The following GABRB2 variants were observed in gnomAD, a reference collection of about 807,000 sequenced individuals.
The protein encoded by GABRB2 is gamma-aminobutyric acid receptor subunit beta-2.
A neutral mutation model predicts 54.7 loss-of-function variants in GABRB2; 16 were observed. The observed-to-expected ratio is 0.29, with a 90% confidence interval of 0.20 to 0.44. GABRB2 has a LOEUF of 0.44. GABRB2 is among the 20% of genes least tolerant of loss of function. GABRB2 has a pLI of 1.00. For missense variants in GABRB2, 355 were observed against 644.0 expected (o/e 0.55, Z 4.86); for synonymous variants, 244 against 233.8 (o/e 1.04, Z -0.40).
At chr5:161,515,796 A>G (rs1759925507) in intron 3 of GABRB2, among the ~76,000 whole-genome samples, 1 of 152,210 alleles carries the variant, frequency 6.6e-6, no homozygotes, top group Non-Finnish European at 1.5e-5. Context: ...TTGATAAGTA[A>G]GAAAACATGC....
At chr5:161,380,631 G>GA (rs34717840) in intron 5 of GABRB2, among the ~76,000 whole-genome samples, 3,560 of 147,390 alleles carry the variant, frequency 0.024, 59 homozygotes, top group Non-Finnish European at 0.035. Context: ...ATGCTCTTGT[G>GA]AAAAAAAAAA....
At chr5:161,482,768 A>T (rs1758802791) in intron 3 of GABRB2, among the ~76,000 whole-genome samples, 1 of 152,066 alleles carries the variant, frequency 6.6e-6, no homozygotes, top group Non-Finnish European at 1.5e-5. Flanking sequence ...ATACTATCAA[A>T]CTTATTTTAA....
intron 5 of GABRB2, among the ~76,000 whole-genome samples, chr5:161,363,983 AT>A (rs935111029): frequency 9.2e-5 from 14 of 152,162 alleles, no homozygotes; most frequent in Non-Finnish European, 1.8e-4. Context: ...CGTAAGATTC[AT>A]TTTCCTGTTT....
intron 3 of GABRB2, among the ~76,000 whole-genome samples, chr5:161,506,938 T>C (rs1458910549): frequency 6.6e-6 from 1 of 152,166 alleles, no homozygotes; most frequent in African/African-American, 2.4e-5. Flanking sequence ...TAATTCAAAC[T>C]TCTTGAAGGA....
intron 8 of GABRB2, among the ~76,000 whole-genome samples, chr5:161,327,541 C>G (rs1048299972): frequency 6.6e-6 from 1 of 151,956 alleles, no homozygotes; most frequent in Non-Finnish European, 1.5e-5. Context: ...AATGACAGGA[C>G]AGGAATTATT....
chr5:161,299,577 C>T (rs754522657), intron 9 of GABRB2, among the ~76,000 whole-genome samples: 5 of 152,254 alleles, frequency 3.3e-5, no homozygotes, highest in South Asian at 2.1e-4. Flanking sequence ...CTTGCTGATG[C>T]TAAGCAAGAC....
rs187578113 is a variant in GABRB2 at position 161,439,946 on chromosome 5, G to A, written c.458+19678C>T. 1.1e-4 allele frequency among the ~76,000 whole-genome samples: 17 copies of A among 151,176 alleles called. No homozygotes were observed. In the East Asian group the frequency reaches 3.1e-3, roughly 28 times the overall value. On this transcript the variant is annotated intron_variant, in intron 4 of 9. Coordinates refer to ENST00000393959, the MANE Select transcript of GABRB2 (RefSeq NM_001371727.1). ...ACATGTTTACCTATATAACAAACCT[G>A]CACATCTAGCACATGTACTCTGGAA...
intron 3 of GABRB2, among the ~76,000 whole-genome samples, chr5:161,493,964 T>A (rs557190238): frequency 3.0e-4 from 45 of 151,916 alleles, no homozygotes; most frequent in Admixed American, 5.9e-4. Flanking sequence ...GTAGCTTGAT[T>A]TAGTGATTCC....
chr5:161,499,077 G>C (rs1421847914), intron 3 of GABRB2, among the ~76,000 whole-genome samples: 1 of 151,990 alleles, frequency 6.6e-6, no homozygotes. Flanking sequence ...GGCTTCCAGA[G>C]CTCGGGCCTT....
At chr5:161,495,003 C>T (rs1033576105) in intron 3 of GABRB2, among the ~76,000 whole-genome samples, 1 of 151,860 alleles carries the variant, frequency 6.6e-6, no homozygotes, top group Non-Finnish European at 1.5e-5. Context: ...ATTTGAAATT[C>T]TAATTGAATT....
Position 161,294,069 on chromosome 5 carries a change from G to T in GABRB2, c.*12C>A. 6.3e-7 allele frequency: 1 copy of T among 1,593,368 alleles called. No individual in the cohort carries two copies. Among genetic ancestry groups the T allele is most frequent in the South Asian group, 1.1e-5 (1 of 89,926 alleles). ...AGGAATCTAGTCCTTGCTTCCAGTG[G>T]GAGGCCATGTTTTAGTTCACATAAT... On this transcript the variant is annotated 3_prime_UTR_variant, in exon 10 of 10. Coordinates refer to ENST00000393959, the MANE Select transcript of GABRB2 (RefSeq NM_001371727.1).
chr5:161,470,449 T>A lies in GABRB2; in HGVS notation c.238-10605A>T, dbSNP rs6861070. Among the ~76,000 whole-genome samples the A allele has an allele frequency of 7.0e-3, 1,058 of 152,040 alleles. 11 individuals carry two copies. The highest frequency in any genetic ancestry group is 0.023 in the African/African-American group (952 of 41,502). ...CACAGTAAGGAATTAACAACAACAA[T>A]AATAAAATAGAACAACTGTAACAAT... On this transcript the variant is annotated intron_variant, in intron 3 of 9. Transcript: ENST00000393959.
intron 3 of GABRB2, among the ~76,000 whole-genome samples, chr5:161,501,804 C>A (rs920138100): frequency 6.6e-6 from 1 of 150,616 alleles, no homozygotes; most frequent in African/African-American, 2.4e-5. Context: ...AGTTAAATAA[C>A]CTAAAAATAT....
chr5:161,545,427 CT>C (rs1760950022), intron 2 of GABRB2, 133 bp from the exon 3 acceptor site: 7 of 352,458 alleles, frequency 2.0e-5, no homozygotes, highest in South Asian at 1.1e-4. Context: ...CAATTCTCTG[CT>C]TTTTTTGTTA....
chr5:161,363,892 T>C (rs1350588598), intron 5 of GABRB2, among the ~76,000 whole-genome samples: 1 of 152,194 alleles, frequency 6.6e-6, no homozygotes, highest in Non-Finnish European at 1.5e-5. Flanking sequence ...GTAAAGAAGA[T>C]TCTAAAAGAA....
intron 9 of GABRB2, among the ~76,000 whole-genome samples, chr5:161,311,447 C>G (rs886689021): frequency 7.2e-5 from 11 of 152,208 alleles, no homozygotes; most frequent in Non-Finnish European, 1.6e-4. Flanking sequence ...CTACCACTAA[C>G]TTGGTTATGT....
intron 5 of GABRB2, among the ~76,000 whole-genome samples, 198 bp downstream of exon 5, chr5:161,410,777 T>G (rs1434394360): frequency 2.0e-5 from 3 of 151,970 alleles, no homozygotes; most frequent in Non-Finnish European, 4.4e-5. Context: ...TCGCGAAGAG[T>G]TAGAGAGTTA....
intron 3 of GABRB2, among the ~76,000 whole-genome samples, chr5:161,467,066 A>G (rs919974394): frequency 2.0e-5 from 3 of 152,070 alleles, no homozygotes; most frequent in African/African-American, 7.2e-5. Flanking sequence ...TATTTTCATC[A>G]GTGATAAGGT....
chr5:161,360,005 C>G (rs1174246974), intron 5 of GABRB2, among the ~76,000 whole-genome samples: 5 of 152,078 alleles, frequency 3.3e-5, no homozygotes, highest in Non-Finnish European at 7.4e-5. Context: ...CACTTGAACC[C>G]CGGAGGCGGA....
Sources: gnomAD v4.1 joint callset for allele counts (sites outside exome capture counted in the v4.1 genomes callset) on GRCh38, gnomAD v4.1.1 for gene constraint, MANE v1.5 for transcripts, NCBI Gene and HGNC (gene_info 2026-07-23, HGNC 2026-07-21) for gene names.